The following ABTB3 variants were observed in gnomAD, a reference collection of about 807,000 sequenced individuals.
ABTB3 encodes the protein ankyrin repeat- and BTB/POZ domain-containing protein 3.
chr12:107,517,358 T>G, the ABTB3 span, among the ~76,000 whole-genome samples: 1 of 152,208 alleles, frequency 6.6e-6, no homozygotes, highest in Non-Finnish European at 1.5e-5. Context: ...CGGGCTCTTT[T>G]TTGTTTCCAT....
chr12:107,574,520 C>T, the ABTB3 span, among the ~76,000 whole-genome samples: 7 of 152,090 alleles, frequency 4.6e-5, no homozygotes, highest in Non-Finnish European at 1.0e-4. Context: ...GTCAGGAGTT[C>T]GAGACCAGCC....
At chr12:107,580,914 A>C in the ABTB3 span, 1 of 1,551,424 alleles carries the variant, frequency 6.4e-7, no homozygotes, top group Non-Finnish European at 8.7e-7. Flanking sequence ...CAGATGAGGA[A>C]ACTGAGGCCC....
At chr12:107,481,537 C>T in the ABTB3 span, among the ~76,000 whole-genome samples, 2 of 152,224 alleles carry the variant, frequency 1.3e-5, no homozygotes, top group South Asian at 4.2e-4. Context: ...CCCCTCCCTA[C>T]CTATAGCTCA....
At chr12:107,358,728 G>A in the ABTB3 span, among the ~76,000 whole-genome samples, 3 of 152,110 alleles carry the variant, frequency 2.0e-5, no homozygotes, top group Non-Finnish European at 2.9e-5. Flanking sequence ...CTGAATAGCT[G>A]GGATTACAGG....
At chr12:107,377,154 C>G in the ABTB3 span, among the ~76,000 whole-genome samples, 1 of 152,234 alleles carries the variant, frequency 6.6e-6, no homozygotes, top group East Asian at 1.9e-4. Flanking sequence ...GGGCCAAAGT[C>G]TCACCCCTCT....
At chr12:107,612,575 A>T in the ABTB3 span, among the ~76,000 whole-genome samples, 2 of 152,074 alleles carry the variant, frequency 1.3e-5, no homozygotes, top group African/African-American at 4.8e-5. Context: ...GAAAAGGCCG[A>T]GGAGGCTCCT....
the ABTB3 span, chr12:107,619,982 C>T: frequency 1.9e-6 from 3 of 1,603,262 alleles, no homozygotes; most frequent in Non-Finnish European, 2.6e-6. Flanking sequence ...TCTCCCCGCT[C>T]CAGGCGTCCC....
chr12:107,621,218 C>A, the ABTB3 span, among the ~76,000 whole-genome samples: 1 of 152,176 alleles, frequency 6.6e-6, no homozygotes, highest in Non-Finnish European at 1.5e-5. Context: ...CCTGGGCCAC[C>A]TGCAGGCTAG....
At chr12:107,614,031 A>G in the ABTB3 span, among the ~76,000 whole-genome samples, 2 of 152,110 alleles carry the variant, frequency 1.3e-5, no homozygotes, top group Non-Finnish European at 2.9e-5. Flanking sequence ...GGTCCTCAGC[A>G]TTGGGTTCTG....
At chr12:107,423,235 T>A in the ABTB3 span, among the ~76,000 whole-genome samples, 1 of 152,232 alleles carries the variant, frequency 6.6e-6, no homozygotes, top group African/African-American at 2.4e-5. Context: ...TAAGTGAGAA[T>A]TCTGCCTTCT....
At chr12:107,477,319 G>A in the ABTB3 span, among the ~76,000 whole-genome samples, 1 of 152,158 alleles carries the variant, frequency 6.6e-6, no homozygotes, top group East Asian at 1.9e-4. Context: ...GCAAACAAAA[G>A]GCGGACTACC....
chr12:107,516,937 C>A, the ABTB3 span, among the ~76,000 whole-genome samples: 2 of 152,162 alleles, frequency 1.3e-5, no homozygotes, highest in African/African-American at 4.8e-5. Flanking sequence ...ATGTCCTCTT[C>A]TTTTGCATCT....
At chr12:107,451,697 C>G in the ABTB3 span, among the ~76,000 whole-genome samples, 4 of 151,694 alleles carry the variant, frequency 2.6e-5, no homozygotes, top group Admixed American at 2.6e-4. Context: ...TTTTCCTGAA[C>G]AGGCAGCTGA....
At chr12:107,408,972 G>A in the ABTB3 span, among the ~76,000 whole-genome samples, 11 of 152,216 alleles carry the variant, frequency 7.2e-5, no homozygotes, top group African/African-American at 2.7e-4. Flanking sequence ...GGAACATAAT[G>A]CCCTAAGGGC....
At chr12:107,404,401 G>A in the ABTB3 span, among the ~76,000 whole-genome samples, 2 of 152,062 alleles carry the variant, frequency 1.3e-5, no homozygotes, top group Non-Finnish European at 2.9e-5. Flanking sequence ...CTTGTAGTTT[G>A]GGGAACTGGC....
At chr12:107,388,400 T>C in the ABTB3 span, among the ~76,000 whole-genome samples, 3 of 151,624 alleles carry the variant, frequency 2.0e-5, no homozygotes, top group East Asian at 5.8e-4. Flanking sequence ...GCCTCCTTCT[T>C]CTTTTCCTCT....
the ABTB3 span, chr12:107,543,950 G>A: frequency 1.1e-5 from 17 of 1,613,452 alleles, no homozygotes; most frequent in Admixed American, 1.7e-5. Context: ...CTGGTGTCCC[G>A]TGCAATGCAT....
At chr12:107,580,897 C>T in the ABTB3 span, 1 of 1,551,068 alleles carries the variant, frequency 6.4e-7, no homozygotes, top group African/African-American at 1.4e-5. Context: ...ACATTATCCC[C>T]AGGCTACAGA....
At chr12:107,618,133 T>A in the ABTB3 span, 5 of 1,606,864 alleles carry the variant, frequency 3.1e-6, no homozygotes, top group Non-Finnish European at 2.6e-6. Context: ...CTGAGTGTCA[T>A]CCTCTCTGGG....
Sources: gnomAD v4.1 joint callset for allele counts (sites outside exome capture counted in the v4.1 genomes callset) on GRCh38, gnomAD v4.1.1 for gene constraint, MANE v1.5 for transcripts, NCBI Gene and HGNC (gene_info 2026-07-23, HGNC 2026-07-21) for gene names.